PARD3B: variants seen among roughly 807,000 people sequenced by gnomAD.
PARD3B encodes par-3 family cell polarity regulator beta.
In PARD3B, 103 loss-of-function variants were observed where a neutral mutation model predicts 130.2. The observed-to-expected ratio is 0.79, with a 90% CI of 0.67 to 0.93. The LOEUF (loss-of-function observed/expected upper bound fraction) is 0.93. PARD3B is among the 40% of genes least tolerant of loss of function. PARD3B has a pLI of 0.00. For missense variants in PARD3B, 1,609 were observed against 1,499.2 expected (o/e 1.07, Z -1.21); for synonymous variants, 583 against 553.2 (o/e 1.05, Z -0.76).
At position 205,119,040 on chromosome 2, in the gene PARD3B, T is replaced by C; in HGVS notation, c.800T>C (p.Phe267Ser). The C allele has an allele frequency of 6.2e-7, 1 of 1,600,478 alleles. No homozygotes were observed. The highest frequency in any genetic ancestry group is 1.1e-5 in the South Asian group (1 of 88,182). The change falls in exon 7 of 23, where the codon TTT becomes TCT. Residue 267 changes from phenylalanine to serine, a missense_variant. Physicochemically the swap from Phe to Ser is radical, Grantham distance 155. Transcript: ENST00000406610. ...INNVDLVDKT[F>S]AQAQDVFRQA... ...AATGTGGATCTCGTAGACAAAACCT[T>C]TGCTCAGTAAGCATTTTTTCATTGT...
intron 1 of PARD3B, among the ~76,000 whole-genome samples, chr2:204,601,325 AG>A (rs1488416412): frequency 6.6e-6 from 1 of 152,000 alleles, no homozygotes; most frequent in Non-Finnish European, 1.5e-5. Context: ...GAAATCAAGC[AG>A]GCACGCTGAT....
chr2:205,094,777 C>G (rs1702307231), intron 4 of PARD3B, among the ~76,000 whole-genome samples: 1 of 152,154 alleles, frequency 6.6e-6, no homozygotes, highest in Non-Finnish European at 1.5e-5. Flanking sequence ...TGATCCAAAC[C>G]TGGCTTTTGT....
intron 19 of PARD3B, among the ~76,000 whole-genome samples, chr2:205,436,125 A>G (rs1307579589): frequency 6.6e-6 from 1 of 152,216 alleles, no homozygotes; most frequent in Non-Finnish European, 1.5e-5. Flanking sequence ...GAGGGACCTT[A>G]GCTAGTGCTC....
rs972042026 is a variant in PARD3B at position 204,998,871 on chromosome 2, G to T, written c.394+33548G>T. On this transcript the variant is annotated intron_variant, in intron 3 of 22. Transcript: ENST00000406610. ...TGGGGTTACAGGCATGCGCCAACAC[G>T]CCCAGCTGATTTTTGTATTTTCAGT... is the stretch of plus-strand genomic sequence containing the variant. Among the ~76,000 whole-genome samples the T allele has an allele frequency of 2.0e-5, 3 of 152,048 alleles. No individual in the cohort carries two copies. In the East Asian group the frequency reaches 5.8e-4, roughly 29 times the overall value.
chr2:204,765,477 T>C (rs541976983), intron 2 of PARD3B, among the ~76,000 whole-genome samples: 1 of 152,332 alleles, frequency 6.6e-6, no homozygotes, highest in African/African-American at 2.4e-5. Context: ...TGTGTGACCA[T>C]GATTCCTCTA....
At chr2:204,934,472 C>T (rs1688260920) in intron 2 of PARD3B, among the ~76,000 whole-genome samples, 1 of 152,098 alleles carries the variant, frequency 6.6e-6, no homozygotes, top group African/African-American at 2.4e-5. Context: ...CAGATATGCA[C>T]CTAATAAAGC....
chr2:205,586,900 C>T (rs2054215593), intron 22 of PARD3B, among the ~76,000 whole-genome samples: 1 of 152,098 alleles, frequency 6.6e-6, no homozygotes, highest in African/African-American at 2.4e-5. Context: ...AACGTTGATA[C>T]CAAGTATGTG....
chr2:205,143,606 G>A (rs2033141127), intron 10 of PARD3B, among the ~76,000 whole-genome samples: 1 of 152,134 alleles, frequency 6.6e-6, no homozygotes, highest in African/African-American at 2.4e-5. Context: ...TAACAGCACG[G>A]GAGAGGAACA....
intron 2 of PARD3B, among the ~76,000 whole-genome samples, chr2:204,739,184 T>C (rs904235458): frequency 4.6e-5 from 7 of 152,220 alleles, no homozygotes; most frequent in Non-Finnish European, 8.8e-5. Flanking sequence ...ATCTGTCAAC[T>C]TATTTAAATG....
intron 3 of PARD3B, among the ~76,000 whole-genome samples, chr2:205,000,512 C>A (rs932936643): frequency 6.6e-6 from 1 of 152,088 alleles, no homozygotes; most frequent in African/African-American, 2.4e-5. Flanking sequence ...AAAAGCAATC[C>A]CCCATTTTCC....
intron 2 of PARD3B, among the ~76,000 whole-genome samples, chr2:204,759,320 G>C (rs571706666): frequency 5.9e-5 from 9 of 152,038 alleles, no homozygotes; most frequent in African/African-American, 2.2e-4. Flanking sequence ...TTTCAAATAA[G>C]TATAAATTAA....
At chr2:204,651,220 A>AGAGAC (rs1300925685) in intron 1 of PARD3B, among the ~76,000 whole-genome samples, 1 of 152,216 alleles carries the variant, frequency 6.6e-6, no homozygotes, top group Non-Finnish European at 1.5e-5. Context: ...AAGTCTCATC[A>AGAGAC]GAGACAAGAC....
chr2:205,304,560 G>T (rs1311650246), intron 18 of PARD3B, among the ~76,000 whole-genome samples: 1 of 151,796 alleles, frequency 6.6e-6, no homozygotes, highest in African/African-American at 2.4e-5. Context: ...GCTTGAACCT[G>T]GGAGGCAGAG....
intron 18 of PARD3B, among the ~76,000 whole-genome samples, chr2:205,368,548 C>T (rs948367315): frequency 3.9e-5 from 6 of 152,088 alleles, no homozygotes; most frequent in African/African-American, 1.4e-4. Flanking sequence ...ATGAGAATTG[C>T]TTGAACCCAG....
chr2:205,333,648 T>C lies in PARD3B; in HGVS notation c.2630+31947T>C, dbSNP rs538696203. Among the ~76,000 whole-genome samples the C allele has an allele frequency of 4.6e-5, 7 of 152,316 alleles. No individual in the cohort carries two copies. In the East Asian group the frequency reaches 1.3e-3, roughly 29 times the overall value. On this transcript the variant is annotated intron_variant, in intron 18 of 22. Transcript: ENST00000406610. ...ATAAACTTCTTTGAGGGAAAGAATC[T>C]ACAGCCAAAATGCTTGACAATTCTA...
intron 18 of PARD3B, among the ~76,000 whole-genome samples, chr2:205,312,078 A>G (rs2042406396): frequency 1.3e-5 from 2 of 152,202 alleles, no homozygotes; most frequent in African/African-American, 4.8e-5. Context: ...GACATCTGTC[A>G]TACATTTCTC....
At chr2:204,893,235 A>G (rs536627863) in intron 2 of PARD3B, among the ~76,000 whole-genome samples, 197 of 152,316 alleles carry the variant, frequency 1.3e-3, no homozygotes, top group Non-Finnish European at 2.0e-3. Flanking sequence ...GAAAAATGGT[A>G]ATTTGATTTG....
chr2:205,108,183 T>A (rs1406677388), intron 5 of PARD3B, among the ~76,000 whole-genome samples: 2 of 152,224 alleles, frequency 1.3e-5, no homozygotes, highest in East Asian at 3.8e-4. Context: ...TCTATTAGTT[T>A]CAGCTAGATT....
intron 2 of PARD3B, among the ~76,000 whole-genome samples, chr2:204,911,331 G>T (rs2047227369): frequency 1.3e-5 from 2 of 152,166 alleles, no homozygotes; most frequent in South Asian, 4.1e-4. Flanking sequence ...CTTAGTGCTT[G>T]GGAGCAGCCA....
Sources: gnomAD v4.1 joint callset for allele counts (sites outside exome capture counted in the v4.1 genomes callset) on GRCh38, gnomAD v4.1.1 for gene constraint, MANE v1.5 for transcripts, NCBI Gene and HGNC (gene_info 2026-07-23, HGNC 2026-07-21) for gene names.